The following SDSL variants were observed in gnomAD, a reference collection of about 807,000 sequenced individuals.
SDSL encodes serine dehydratase-like.
Under a neutral mutation model 27.6 loss-of-function variants are expected in SDSL, and 26 were observed. The ratio of observed to expected loss-of-function variants is 0.94; its 90% CI spans 0.69 to 1.31. The LOEUF (loss-of-function observed/expected upper bound fraction) is 1.31, where lower values mean the gene tolerates loss of function less well. SDSL is among the 50% of genes most tolerant of loss of function. The probability of loss-of-function intolerance (pLI) is 0.00; values close to 1 mark genes in which losing one functional copy is unlikely to be tolerated. For missense variants in SDSL, 431 were observed against 423.5 expected (o/e 1.02, Z -0.16); for synonymous variants, 196 against 180.6 (o/e 1.09, Z -0.69).
intron 3 of SDSL, 147 bp downstream of exon 3, chr12:113,428,606 C>T: frequency 1.5e-6 from 1 of 655,618 alleles, no homozygotes; most frequent in Non-Finnish European, 2.6e-6. Flanking sequence ...ACATCCCATC[C>T]TAGCCTTCTC....
chr12:113,432,592 G>A (rs1338689020), intron 4 of SDSL, among the ~76,000 whole-genome samples: 27 of 151,866 alleles, frequency 1.8e-4, no homozygotes, highest in Admixed American at 1.4e-3. Flanking sequence ...TGCCTGCCTC[G>A]GCCTCTCAAA....
At position 113,437,064 on chromosome 12, in the gene SDSL, C is replaced by T. The variant is rs574399147; in HGVS notation, c.796+189C>T. 47 of 451,472 alleles carry T rather than the reference C, an allele frequency of 1.0e-4. No individual in the cohort carries two copies. In the East Asian group the frequency reaches 2.1e-3, roughly 20 times the overall value. 28.0% of individuals were successfully genotyped at this position (451,472 alleles called of 1,614,324 possible). A position where few individuals can be genotyped will look rare whatever the true frequency, so the allele number is the denominator to read the frequency against. ...ATAAAGAAGGAGTGTATCTTGCTGTCTCTAGCCCCCAGACTTTCATACATG... is the reference window on the plus strand; with the variant it reads ...ATAAAGAAGGAGTGTATCTTGCTGTTTCTAGCCCCCAGACTTTCATACATG... On this transcript the variant is annotated intron_variant, in intron 7 of 7. Transcript: ENST00000403593.
chr12:113,429,238 C>T lies in SDSL; in HGVS notation c.293C>T (p.Thr98Ile). 6.2e-7 allele frequency: 1 copy of T among 1,613,778 alleles called. No homozygotes were observed. Residue 98 changes from threonine (T) to isoleucine (I), a missense_variant, in exon 4 of 8, where the codon ACC (threonine) becomes ATC (isoleucine). Thr to Ile is a moderately conservative substitution (Grantham distance 89). Transcript: ENST00000403593. ...IPATIVLPESTSLQVVQRLQG... is the reference protein window; with the variant it reads ...IPATIVLPESISLQVVQRLQG... ...GCCACCATCGTGCTCCCCGAGAGCA[C>T]CTCCCTGCAGGTGGTGCAGAGGCTG... is the stretch of plus-strand genomic sequence containing the variant.
In SDSL at chr12:113,431,877, T is replaced by A. The variant is rs961206294; in HGVS notation, c.355-2257T>A. 8.6e-5 allele frequency among the ~76,000 whole-genome samples: 13 copies of A among 151,638 alleles called. No individual in the cohort carries two copies. The East Asian group carries it at 2.5e-3, about 29-fold the overall frequency. On this transcript the variant is annotated intron_variant, in intron 4 of 7. Coordinates refer to ENST00000403593, the MANE Select transcript of SDSL (RefSeq NM_001304993.2). Reference sequence around the variant, plus strand: ...CCTCAGCCTCCCGAGTAGCTGGGACTACAGGCCAGCTACTACAGCCACCAC... The same window carrying A: ...CCTCAGCCTCCCGAGTAGCTGGGACAACAGGCCAGCTACTACAGCCACCAC...
rs1169399604 is a variant in SDSL at position 113,436,880 on chromosome 12, G to A, written c.796+5G>A. On this transcript the variant is annotated splice_donor_5th_base_variant and intron_variant, in intron 7 of 7. Transcript: ENST00000403593. Reference sequence around the variant, plus strand: ...GCGCTGTGCAGCAGCTCCTGGGTGAGTGATCCCTGTCCTCCACCTGGGCTC... The same window carrying A: ...GCGCTGTGCAGCAGCTCCTGGGTGAATGATCCCTGTCCTCCACCTGGGCTC... The A allele has an allele frequency of 6.3e-7, 1 of 1,587,278 alleles. No individual in the cohort carries two copies.
chr12:113,429,209 T>A lies in SDSL; in HGVS notation c.264T>A (p.Ile88=). 6.2e-7 allele frequency: 1 copy of A among 1,613,902 alleles called. No individual in the cohort carries two copies. Among genetic ancestry groups the A allele is most frequent in the Non-Finnish European group, 8.5e-7 (1 of 1,179,902 alleles). The change falls in exon 4 of 8, where the codon ATT becomes ATA. Residue 88 remains isoleucine, a synonymous_variant. Transcript: ENST00000403593. ...CCTATGCTGCTAGGAAGCTGGGCAT[T>A]CCTGCCACCATCGTGCTCCCCGAGA... ...AAAYAARKLG[I]PATIVLPEST... is the part of the protein sequence containing the mutation.
intron 1 of SDSL, among the ~76,000 whole-genome samples, chr12:113,423,692 T>C (rs1269209087): frequency 6.6e-6 from 1 of 152,136 alleles, no homozygotes; most frequent in Non-Finnish European, 1.5e-5. Context: ...CAGTGAGCCA[T>C]GATCGTGCCA....
chr12:113,433,325 A>G (rs1593314309), intron 4 of SDSL, among the ~76,000 whole-genome samples: 1 of 151,822 alleles, frequency 6.6e-6, no homozygotes, highest in Non-Finnish European at 1.5e-5. Flanking sequence ...CCCCCTTGTG[A>G]CCCTCCATCC....
chr12:113,425,517 C>G (rs981184943), intron 1 of SDSL: 14 of 373,962 alleles, frequency 3.7e-5, no homozygotes, highest in Middle Eastern at 4.1e-4. Context: ...GTTGCAGCGC[C>G]CCCCCTAGCG....
rs758497819 is a variant in SDSL, at chr12:113,436,788, C to T, written c.709C>T (p.Arg237Trp). The change falls in exon 7 of 8, where the codon CGG becomes TGG. Residue 237 changes from arginine to tryptophan, a missense_variant. Physicochemically the swap from Arg to Trp is moderately radical, Grantham distance 101 (BLOSUM62 -3). Transcript: ENST00000403593. ...CCTGGGTGCCAAGACGGTGGCCGCT[C>T]GGGCCCTGGAGTGCATGCAGGTGTG... ...KSLGAKTVAARALECMQVCKI... is the reference protein window; with the variant it reads ...KSLGAKTVAAWALECMQVCKI... 201 of 1,610,838 alleles carry T rather than the reference C, an allele frequency of 1.2e-4. No homozygotes were observed. Among genetic ancestry groups the T allele is most frequent in the Non-Finnish European group, 1.6e-4 (185 of 1,179,388 alleles).
At chr12:113,428,378 C>T in intron 2 of SDSL, 42 bp from the exon 3 acceptor site, 2 of 1,593,166 alleles carry the variant, frequency 1.3e-6, no homozygotes, top group South Asian at 1.1e-5. Flanking sequence ...CTTCATGACA[C>T]CTGCTTGGGT....
At chr12:113,425,833 C>T (rs1957842698) in intron 1 of SDSL, 1 of 413,680 alleles carries the variant, frequency 2.4e-6, no homozygotes, top group Non-Finnish European at 4.8e-6. Flanking sequence ...ACAAAAAATA[C>T]AAAAAATTAA....
chr12:113,425,183 C>T (rs1348293688), intron 1 of SDSL, among the ~76,000 whole-genome samples: 1 of 152,214 alleles, frequency 6.6e-6, no homozygotes, highest in African/African-American at 2.4e-5. Context: ...CTAACTTTTG[C>T]TTCTGGTCGA....
chr12:113,433,583 A>T (rs563773834), intron 4 of SDSL, among the ~76,000 whole-genome samples: 24 of 152,244 alleles, frequency 1.6e-4, no homozygotes, highest in African/African-American at 5.1e-4. Flanking sequence ...TGAGCAGGGG[A>T]CCTGGATCTC....
chr12:113,432,300 C>CTCTTTCTTTCTTTCTTTCTCTCTCTT (rs1555210098), intron 4 of SDSL, among the ~76,000 whole-genome samples: 2 of 144,462 alleles, frequency 1.4e-5, no homozygotes, highest in African/African-American at 5.4e-5. Flanking sequence ...TTCTCTCTCT[C>CTCTTTCTTTCTTTCTTTCTCTCTCTT]TCTTTCTGTC....
intron 3 of SDSL, 111 bp downstream of exon 3, chr12:113,428,570 G>T: frequency 6.0e-6 from 5 of 827,852 alleles, no homozygotes; most frequent in Non-Finnish European, 9.5e-6. Flanking sequence ...GCCTCATCAA[G>T]GTCATTGATG....
intron 6 of SDSL, among the ~76,000 whole-genome samples, chr12:113,435,982 A>G (rs944196786): frequency 2.0e-5 from 3 of 152,114 alleles, no homozygotes; most frequent in Non-Finnish European, 2.9e-5. Context: ...TTACCTGGGC[A>G]TGGTAGCGCA....
intron 4 of SDSL, among the ~76,000 whole-genome samples, chr12:113,430,172 G>T (rs1305965684): frequency 6.6e-6 from 1 of 151,782 alleles, no homozygotes; most frequent in African/African-American, 2.4e-5. Context: ...TATTGATTGA[G>T]CACATATTCA....
rs1395828750 is a variant in SDSL at position 113,438,016 on chromosome 12, T to G, written c.927T>G (p.Cys309Trp). Residue 309 changes from cysteine (C) to tryptophan (W), a missense_variant, in exon 8 of 8, where the codon TGT becomes TGG. Physicochemically the swap from Cys to Trp is radical, Grantham distance 215. Coordinates refer to ENST00000403593, the MANE Select transcript of SDSL (RefSeq NM_001304993.2). ...TGACTTCAGTTGTGGTAATCGTGTG[T>G]GGAGGCAACAACATCAACAGCCGAG... ...PSLTSVVVIV[C>W]GGNNINSREL... 3.1e-6 allele frequency: 5 copies of G among 1,614,026 alleles called. No homozygotes were observed. In the African/African-American group the frequency reaches 5.3e-5, roughly 17 times the overall value.
Sources: gnomAD v4.1 joint callset for allele counts (sites outside exome capture counted in the v4.1 genomes callset) on GRCh38, gnomAD v4.1.1 for gene constraint, MANE v1.5 for transcripts, NCBI Gene and HGNC (gene_info 2026-07-23, HGNC 2026-07-21) for gene names.